PLXNA4: variants seen among roughly 807,000 people sequenced by gnomAD.
PLXNA4 encodes the protein plexin-A4.
A neutral mutation model predicts 191.8 loss-of-function variants in PLXNA4; 44 were observed. That is an observed-to-expected ratio of 0.23 (90% CI 0.18 to 0.29). PLXNA4 has a LOEUF of 0.29. PLXNA4 is among the 10% of genes least tolerant of loss of function. The pLI, the probability that PLXNA4 is intolerant of heterozygous loss-of-function variation, is 1.00. For synonymous variants in PLXNA4, 1,082 were observed against 1,009.5 expected, an observed-to-expected ratio of 1.07 and a Z score of -1.36; for missense variants, 1,800 against 2,488.8, an observed-to-expected ratio of 0.72 and a Z score of 5.89.
chr7:132,356,023 A>G (rs957409520), intron 3 of PLXNA4, among the ~76,000 whole-genome samples: 5 of 152,112 alleles, frequency 3.3e-5, no homozygotes, highest in African/African-American at 9.7e-5. Context: ...GCAAGAGGGG[A>G]GATATTTAAT....
intron 4 of PLXNA4, among the ~76,000 whole-genome samples, chr7:132,257,482 C>A (rs2116209248): frequency 6.6e-6 from 1 of 152,308 alleles, no homozygotes; most frequent in Admixed American, 6.5e-5. Flanking sequence ...GCTGGTATGT[C>A]TGACTTCATG....
At chr7:132,361,809 T>C (rs1447989830) in intron 3 of PLXNA4, among the ~76,000 whole-genome samples, 3 of 152,122 alleles carry the variant, frequency 2.0e-5, no homozygotes, top group African/African-American at 7.2e-5. Flanking sequence ...TGTTCTATTA[T>C]GGTGGGGGTG....
chr7:132,333,408 T>TG (rs1490951482), intron 3 of PLXNA4, among the ~76,000 whole-genome samples: 1 of 151,038 alleles, frequency 6.6e-6, no homozygotes, highest in African/African-American at 2.4e-5. Context: ...AAGAGGGAGG[T>TG]GGGGAGGTGG....
At chr7:132,185,256 C>T (rs767199168) in intron 16 of PLXNA4, 43 bp downstream of exon 16, 1 of 1,567,392 alleles carries the variant, frequency 6.4e-7, no homozygotes, top group Admixed American at 1.8e-5. Context: ...GGAAGGGAAA[C>T]AGAGGTGCAG....
intron 3 of PLXNA4, among the ~76,000 whole-genome samples, chr7:132,400,193 A>G (rs1341772217): frequency 1.3e-5 from 2 of 152,232 alleles, no homozygotes; most frequent in African/African-American, 4.8e-5. Flanking sequence ...TACCAGGCAC[A>G]GAGTGAATGA....
At chr7:132,414,426 G>A (rs531276910) in intron 3 of PLXNA4, among the ~76,000 whole-genome samples, 3 of 152,186 alleles carry the variant, frequency 2.0e-5, no homozygotes, top group African/African-American at 7.2e-5. Context: ...TTCCGGAGGG[G>A]AAAATATTTA....
At position 132,489,467 on chromosome 7, in the gene PLXNA4, G is replaced by A; in HGVS notation, c.1196C>T (p.Thr399Ile). 1 of 1,556,054 alleles carries A rather than the reference G, an allele frequency of 6.4e-7. No individual in the cohort carries two copies. Among genetic ancestry groups the A allele is most frequent in the Non-Finnish European group, 8.8e-7 (1 of 1,137,642 alleles). ...KDIPCSSALL[T>I]IDDNFCGLDM... ...CAGGCCACAGAAGTTATCGTCAATG[G>A]TTAAGAGCTGCAAATTTTAAAAAGA... is the stretch of plus-strand genomic sequence containing the variant. The change falls in exon 3 of 32, where the codon ACC becomes ATC. Residue 399 changes from threonine to isoleucine, a missense_variant. Transcript: ENST00000321063.
chr7:132,471,632 G>A (rs572919179), intron 3 of PLXNA4, among the ~76,000 whole-genome samples: 51 of 152,182 alleles, frequency 3.4e-4, no homozygotes, highest in African/African-American at 1.2e-3. Context: ...TTCCTTAAAG[G>A]GCCTTCTAGA....
intron 4 of PLXNA4, among the ~76,000 whole-genome samples, chr7:132,261,511 A>G (rs1393640306): frequency 6.6e-6 from 1 of 152,214 alleles, no homozygotes; most frequent in Non-Finnish European, 1.5e-5. Flanking sequence ...TGCTGCTGCC[A>G]GTGTCACCAG....
At chr7:132,621,268 G>GT (rs542790311) in intron 2 of PLXNA4, among the ~76,000 whole-genome samples, 21,493 of 83,034 alleles carry the variant, frequency 0.26, 1,994 homozygotes, top group African/African-American at 0.33. Flanking sequence ...TGGTTTTTTT[G>GT]TTTTTTTTTT....
At chr7:132,366,671 C>T (rs750256023) in intron 3 of PLXNA4, among the ~76,000 whole-genome samples, 10 of 152,080 alleles carry the variant, frequency 6.6e-5, no homozygotes, top group Non-Finnish European at 8.8e-5. Flanking sequence ...CAGCAAAGGG[C>T]CATTTAAATT....
chr7:132,448,855 A>T (rs1335724360), intron 3 of PLXNA4, among the ~76,000 whole-genome samples: 1 of 152,242 alleles, frequency 6.6e-6, no homozygotes, highest in Non-Finnish European at 1.5e-5. Flanking sequence ...GTCTCTAGAG[A>T]TTTCTTATGT....
chr7:132,253,344 T>A (rs1799322684), intron 4 of PLXNA4, among the ~76,000 whole-genome samples: 1 of 151,326 alleles, frequency 6.6e-6, no homozygotes. Context: ...CAAGCAATTA[T>A]CCCACCTCAG....
intron 2 of PLXNA4, among the ~76,000 whole-genome samples, chr7:132,641,755 G>T (rs745376097): frequency 2.6e-5 from 4 of 151,988 alleles, no homozygotes; most frequent in African/African-American, 4.8e-5. Context: ...TTTTTAAGAG[G>T]TATTCTAAAT....
intron 23 of PLXNA4, among the ~76,000 whole-genome samples, 190 bp from the exon 24 acceptor site, chr7:132,164,478 C>T (rs1009511193): frequency 6.6e-6 from 1 of 152,206 alleles, no homozygotes; most frequent in African/African-American, 2.4e-5. Context: ...TTCCTCCTGG[C>T]TCTTTGGACC....
At chr7:132,227,036 T>C (rs1050834283) in intron 7 of PLXNA4, among the ~76,000 whole-genome samples, 2 of 151,768 alleles carry the variant, frequency 1.3e-5, no homozygotes, top group African/African-American at 2.4e-5. Flanking sequence ...TAGGGCAGAG[T>C]TGGGGAGGCA....
At chr7:132,564,701 C>T (rs1350928198) in intron 1 of PLXNA4, among the ~76,000 whole-genome samples, 1 of 152,188 alleles carries the variant, frequency 6.6e-6, no homozygotes, top group Non-Finnish European at 1.5e-5. Flanking sequence ...TTAAATATTT[C>T]ATAACATCAT....
chr7:132,618,783 G>C (rs1256863272), intron 2 of PLXNA4, among the ~76,000 whole-genome samples: 1 of 152,190 alleles, frequency 6.6e-6, no homozygotes, highest in African/African-American at 2.4e-5. Context: ...ATTTTAATTA[G>C]AGACAAGAAG....
intron 3 of PLXNA4, among the ~76,000 whole-genome samples, chr7:132,409,679 G>T (rs1794370814): frequency 6.6e-6 from 1 of 152,152 alleles, no homozygotes; most frequent in Admixed American, 6.5e-5. Context: ...CCTGGACTTT[G>T]GCCATCTTTC....
Sources: gnomAD v4.1 joint callset for allele counts (sites outside exome capture counted in the v4.1 genomes callset) on GRCh38, gnomAD v4.1.1 for gene constraint, MANE v1.5 for transcripts, NCBI Gene and HGNC (gene_info 2026-07-23, HGNC 2026-07-21) for gene names.